The following DHRS9 variants were observed in gnomAD, a reference collection of about 807,000 sequenced individuals.
The protein encoded by DHRS9 is dehydrogenase/reductase SDR family member 9.
Under a neutral mutation model 26.6 loss-of-function variants are expected in DHRS9, and 18 were observed. That is an observed-to-expected ratio of 0.68 (90% confidence interval 0.47 to 1.00). The LOEUF (loss-of-function observed/expected upper bound fraction) is 1.00, where lower values mean the gene tolerates loss of function less well. Among genes scored for constraint, DHRS9 ranks in the 50% least tolerant of loss-of-function variants. DHRS9 has a pLI of 0.00. For missense variants in DHRS9, 425 were observed against 378.7 expected, an observed-to-expected ratio of 1.12 and a Z score of -1.01; for synonymous variants, 134 against 141.1, an observed-to-expected ratio of 0.95 and a Z score of 0.36.
intron 1 of DHRS9, chr2:169,072,796 G>A (rs1319564867): frequency 3.5e-6 from 1 of 284,958 alleles, no homozygotes; most frequent in Non-Finnish European, 5.3e-6. Flanking sequence ...CTGATAATGT[G>A]TTCATCTCTT....
At chr2:169,084,102 G>A (rs535704582) in intron 3 of DHRS9, among the ~76,000 whole-genome samples, 3 of 152,170 alleles carry the variant, frequency 2.0e-5, no homozygotes, top group African/African-American at 7.2e-5. Flanking sequence ...TCGTTTTTCT[G>A]TGCCTGGCTT....
intron 4 of DHRS9, among the ~76,000 whole-genome samples, chr2:169,094,862 G>T (rs1021518877): frequency 6.6e-6 from 1 of 152,078 alleles, no homozygotes; most frequent in Non-Finnish European, 1.5e-5. Flanking sequence ...TAAAATCCCT[G>T]CCTCTCTAAA....
chr2:169,067,147 A>T, upstream of DHRS9: 1 of 1,535,532 alleles, frequency 6.5e-7, no homozygotes, highest in Non-Finnish European at 8.7e-7. Flanking sequence ...TTACATCATT[A>T]TGCCAGAAGG....
At chr2:169,078,014 A>G (rs1684015612) in intron 1 of DHRS9, among the ~76,000 whole-genome samples, 1 of 152,142 alleles carries the variant, frequency 6.6e-6, no homozygotes, top group Non-Finnish European at 1.5e-5. Context: ...GACCTTATCA[A>G]CTCAGCTTGT....
chr2:169,081,878 C>T lies in DHRS9; in HGVS notation c.297C>T (p.Asn99=), dbSNP rs756033208. 2 of 1,606,476 alleles carry T rather than the reference C, an allele frequency of 1.2e-6. No homozygotes were observed. Among genetic ancestry groups the T allele is most frequent in the East Asian group, 2.2e-5 (1 of 44,732 alleles). The change falls in exon 2 of 5, where the codon AAC becomes AAT. Residue 99 remains asparagine, a synonymous_variant. Coordinates refer to ENST00000674881, the MANE Select transcript of DHRS9 (RefSeq NM_001376924.1). ...AGAGGACTGCCCAGTGGGTGAAGAA[C>T]CAAGTTGGGGAGAAAGGTGAGAGAC... is the stretch of plus-strand genomic sequence containing the variant. ...NVKRTAQWVK[N]QVGEKGLWGL...
chr2:169,069,907 C>T (rs1000253814), intron 1 of DHRS9, among the ~76,000 whole-genome samples, 190 bp downstream of exon 1: 3 of 152,158 alleles, frequency 2.0e-5, no homozygotes, highest in Admixed American at 6.5e-5. Context: ...GAAATGACCT[C>T]GGTGTGACCT....
intron 3 of DHRS9, among the ~76,000 whole-genome samples, chr2:169,089,632 A>G (rs1225118304): frequency 6.6e-6 from 1 of 152,222 alleles, no homozygotes; most frequent in Admixed American, 6.5e-5. Context: ...TTACTAATAA[A>G]AGGTTAAAAT....
intron 1 of DHRS9, among the ~76,000 whole-genome samples, chr2:169,079,894 A>AGAGAGAGAGAGAGAGGGAGG: frequency 1.2e-5 from 1 of 86,332 alleles, no homozygotes; most frequent in East Asian, 4.5e-4. Flanking sequence ...AGAGAGAGAG[A>AGAGAGAGAGAGAGAGGGAGG]GAGGGAGGGA....
chr2:169,077,158 G>A (rs936072785), intron 1 of DHRS9, among the ~76,000 whole-genome samples: 17 of 152,140 alleles, frequency 1.1e-4, no homozygotes, highest in African/African-American at 3.4e-4. Flanking sequence ...TGAAATAATA[G>A]GGTTGTCTGT....
chr2:169,079,920 GGAGAGAGAGAGAGAGAGAGAGAGA>G (rs1200500362), intron 1 of DHRS9, among the ~76,000 whole-genome samples: 6 of 10,312 alleles, frequency 5.8e-4, no homozygotes, highest in African/African-American at 8.1e-4. Context: ...GGAGGGAGGG[GGAGAGAGAGAGAGAGAGAGAGAGA>G]GAGAGAGAGA....
intron 3 of DHRS9, among the ~76,000 whole-genome samples, chr2:169,089,938 T>C (rs1207267345): frequency 2.0e-5 from 3 of 152,226 alleles, no homozygotes; most frequent in African/African-American, 7.2e-5. Context: ...TTGGTTGACC[T>C]TTGTTTCCAC....
upstream of DHRS9, among the ~76,000 whole-genome samples, chr2:169,067,590 A>T (rs951586717): frequency 2.6e-5 from 4 of 152,242 alleles, no homozygotes; most frequent in Admixed American, 2.6e-4. Flanking sequence ...TTGTTTTAAA[A>T]AGGAACTAGG....
chr2:169,081,371 T>C (rs934556402), intron 1 of DHRS9, among the ~76,000 whole-genome samples, 152 bp from the exon 2 acceptor site: 1 of 152,240 alleles, frequency 6.6e-6, no homozygotes, highest in African/African-American at 2.4e-5. Flanking sequence ...TAGATGGCCA[T>C]CTTCCCAACA....
upstream of DHRS9, among the ~76,000 whole-genome samples, chr2:169,069,275 A>G (rs1683732221): frequency 6.6e-6 from 1 of 152,308 alleles, no homozygotes; most frequent in South Asian, 2.1e-4. Flanking sequence ...GAAAACTATT[A>G]AAACCACGCA....
intron 4 of DHRS9, among the ~76,000 whole-genome samples, chr2:169,094,260 C>T (rs1276808324): frequency 1.3e-5 from 2 of 152,146 alleles, no homozygotes; most frequent in Non-Finnish European, 1.5e-5. Context: ...AGATTCTCTT[C>T]CCATTTTTAA....
At chr2:169,067,267 A>T, upstream of DHRS9, 1 of 1,535,320 alleles carries the variant, frequency 6.5e-7, no homozygotes, top group East Asian at 2.4e-5. Context: ...TGCACACTGG[A>T]GTAAGTGCTT....
chr2:169,068,663 C>G (rs1478591628), upstream of DHRS9, among the ~76,000 whole-genome samples: 1 of 152,164 alleles, frequency 6.6e-6, no homozygotes, highest in Non-Finnish European at 1.5e-5. Context: ...CTGACTCTAC[C>G]TAGACAGATA....
rs774502070 is a variant in DHRS9, at chr2:169,081,626, G to C, written c.45G>C (p.Leu15=). ...VLGLLILCGF[L]WTRKGKLKIE... ...GCCTCCTAATCCTCTGTGGTTTTCT[G>C]TGGACTCGTAAAGGAAAACTAAAGA... The change falls in exon 2 of 5, where the codon CTG becomes CTC. Residue 15 remains leucine (L), a synonymous_variant. Coordinates refer to ENST00000674881, the MANE Select transcript of DHRS9 (RefSeq NM_001376924.1). 2 of 1,614,158 alleles carry C rather than the reference G, an allele frequency of 1.2e-6. No homozygotes were observed. Among genetic ancestry groups the C allele is most frequent in the East Asian group, 4.5e-5 (2 of 44,890 alleles).
Position 169,081,827 on chromosome 2 carries a change from G to A in DHRS9, c.246G>A (p.Leu82=), listed in dbSNP as rs1574028870. ...ETSERLRTVL[L]DVTDPENVKR... ...CAGAGAGACTTCGTACTGTGCTTCT[G>A]GATGTGACCGACCCAGAGAATGTCA... The change falls in exon 2 of 5, where the codon CTG becomes CTA. Residue 82 remains leucine, a synonymous_variant. Coordinates refer to ENST00000674881, the MANE Select transcript of DHRS9 (RefSeq NM_001376924.1). 6 of 1,614,086 alleles carry A rather than the reference G, an allele frequency of 3.7e-6. No homozygotes were observed. Among genetic ancestry groups the A allele is most frequent in the Non-Finnish European group, 5.1e-6 (6 of 1,180,004 alleles).
Sources: allele counts gnomAD v4.1 joint callset (sites outside exome capture counted in the v4.1 genomes callset), GRCh38; gene constraint gnomAD v4.1.1; transcripts MANE v1.5; gene names NCBI Gene and HGNC (gene_info 2026-07-23, HGNC 2026-07-21).